Variants in ZNF544 observed in about 807,000 individuals in gnomAD.
ZNF544 encodes the protein zinc finger protein AF020591.
ZNF544 carries 10 observed loss-of-function variants against 13.5 expected under a neutral mutation model. The ratio of observed to expected loss-of-function variants is 0.74; its 90% CI spans 0.46 to 1.25. The LOEUF (loss-of-function observed/expected upper bound fraction) is 1.25, where lower values mean the gene tolerates loss of function less well. Ranked by LOEUF, ZNF544 falls within the 50% of genes most tolerant of loss-of-function variation. The probability of loss-of-function intolerance (pLI) is 0.00; values close to 1 mark genes in which losing one functional copy is unlikely to be tolerated. For missense variants in ZNF544, 896 were observed against 845.6 expected (o/e 1.06, Z -0.74); for synonymous variants, 323 against 300.5 (o/e 1.07, Z -0.77).
intron 5 of ZNF544, among the ~76,000 whole-genome samples, chr19:58,270,501 C>T (rs888014754): frequency 6.6e-6 from 1 of 152,094 alleles, no homozygotes; most frequent in Non-Finnish European, 1.5e-5. Flanking sequence ...AGGGTTTCAC[C>T]ATGTTGGTCA....
chr19:58,263,767 C>G (rs1196639496), downstream of ZNF544: 1 of 187,478 alleles, frequency 5.3e-6, no homozygotes, highest in East Asian at 1.9e-4. Context: ...TTGAGACCAG[C>G]CTGGCAAACA....
At chr19:58,254,750 C>G (rs993940645) in intron 6 of ZNF544, among the ~76,000 whole-genome samples, 1 of 152,120 alleles carries the variant, frequency 6.6e-6, no homozygotes, top group Non-Finnish European at 1.5e-5. Context: ...CCTCACAGGA[C>G]TAAGGAGGTT....
In ZNF544 at chr19:58,261,518, G is replaced by C. The variant is rs757547655; in HGVS notation, c.912G>C (p.Arg304Ser). 1.9e-5 allele frequency: 31 copies of C among 1,614,026 alleles called. No homozygotes were observed. Among genetic ancestry groups the C allele is most frequent in the Non-Finnish European group, 2.5e-5 (30 of 1,180,026 alleles). The part of the protein sequence containing the change: ...GKSQYECDEC[R>S]ETCSESLCLV... Reference sequence around the variant, plus strand: ...GTCAGTATGAGTGTGATGAGTGCAGGGAAACCTGTTCTGAGAGTCTGTGCC... The same window carrying C: ...GTCAGTATGAGTGTGATGAGTGCAGCGAAACCTGTTCTGAGAGTCTGTGCC... The change falls in exon 7 of 7, where the codon AGG becomes AGC. Residue 304 changes from arginine to serine, a missense_variant. By Grantham distance (110) the Arg-to-Ser change is moderately radical. Coordinates refer to ENST00000687789, the MANE Select transcript of ZNF544 (RefSeq NM_014480.4).
At chr19:58,238,987 G>C (rs1048124612) in intron 3 of ZNF544, among the ~76,000 whole-genome samples, 20 of 152,164 alleles carry the variant, frequency 1.3e-4, no homozygotes, top group Admixed American at 1.1e-3. Flanking sequence ...GTGCAGGGGA[G>C]GCAAGAGTGT....
In ZNF544 at chr19:58,263,542, G is replaced by C; in HGVS notation, c.*788G>C. ...TGGCCAAAACATGACTCTCAGAGTGGGGCTTCATGACCATGTGCATCAGAA... is the reference window on the plus strand; with the variant it reads ...TGGCCAAAACATGACTCTCAGAGTGCGGCTTCATGACCATGTGCATCAGAA... On this transcript the variant is annotated 3_prime_UTR_variant, in exon 7 of 7. Transcript: ENST00000687789. 1 of 985,428 alleles carries C rather than the reference G, an allele frequency of 1.0e-6. No individual in the cohort carries two copies. Among genetic ancestry groups the C allele is most frequent in the Non-Finnish European group, 1.2e-6 (1 of 829,940 alleles). The allele number at this position is 985,428 out of a possible 1,614,324, so 61.0% of individuals were successfully genotyped here.
At chr19:58,268,221 C>T (rs1185401825), downstream of ZNF544, among the ~76,000 whole-genome samples, 1 of 152,036 alleles carries the variant, frequency 6.6e-6, no homozygotes, top group African/African-American at 2.4e-5. Flanking sequence ...ATCGCTTGAA[C>T]CTGGGAGGTG....
chr19:58,242,171 C>A, intron 3 of ZNF544: 1 of 924,536 alleles, frequency 1.1e-6, no homozygotes, highest in Non-Finnish European at 1.3e-6. Flanking sequence ...GAAGTCCCAG[C>A]AGCTGCGAGT....
At chr19:58,260,065 G>A (rs563731885) in intron 6 of ZNF544, among the ~76,000 whole-genome samples, 11 of 152,134 alleles carry the variant, frequency 7.2e-5, no homozygotes, top group African/African-American at 2.4e-4. Flanking sequence ...GCTGTTATCC[G>A]GTCTGTTCAA....
At chr19:58,244,687 C>T (rs1006122314) in intron 4 of ZNF544, among the ~76,000 whole-genome samples, 1 of 150,596 alleles carries the variant, frequency 6.6e-6, no homozygotes, top group Non-Finnish European at 1.5e-5. Context: ...GCGATCCTCC[C>T]ACCTCAGCCT....
rs1192675533 is a variant in ZNF544 at position 58,260,938 on chromosome 19, G to A, written c.332G>A (p.Arg111Lys). ...EELSHHVEVY[R>K]SGPEEPPSLV... Reference sequence around the variant, plus strand: ...CTATCCCACCACGTGGAAGTGTACAGGAGTGGACCGGAGGAGCCACCCTCT... The same window carrying A: ...CTATCCCACCACGTGGAAGTGTACAAGAGTGGACCGGAGGAGCCACCCTCT... Residue 111 changes from arginine (R) to lysine (K), a missense_variant, in exon 7 of 7, where the codon AGG (arginine) becomes AAG (lysine). Coordinates refer to ENST00000687789, the MANE Select transcript of ZNF544 (RefSeq NM_014480.4). 3 of 1,614,184 alleles carry A rather than the reference G, an allele frequency of 1.9e-6. No individual in the cohort carries two copies. Among genetic ancestry groups the A allele is most frequent in the South Asian group, 1.1e-5 (1 of 91,078 alleles).
At chr19:58,257,876 C>G (rs889336323) in intron 6 of ZNF544, 1 of 152,216 alleles carries the variant, frequency 6.6e-6, no homozygotes, top group African/African-American at 2.4e-5. Flanking sequence ...CTCACGTTTC[C>G]CCCAGGCTGG....
At position 58,261,984 on chromosome 19, in the gene ZNF544, G is replaced by A. The variant is rs779687083; in HGVS notation, c.1378G>A (p.Gly460Arg). 6.2e-7 allele frequency: 1 copy of A among 1,613,756 alleles called. No individual in the cohort carries two copies. Among genetic ancestry groups the A allele is most frequent in the South Asian group, 1.1e-5 (1 of 91,062 alleles). Reference protein sequence around the residue: ...NLIVHQRIHTGEKPYECTHCG... With the variant: ...NLIVHQRIHTREKPYECTHCG... ...CATTGTACATCAGAGAATTCATACTGGAGAGAAACCGTATGAGTGCACTCA... is the reference window on the plus strand; with the variant it reads ...CATTGTACATCAGAGAATTCATACTAGAGAGAAACCGTATGAGTGCACTCA... Residue 460 changes from glycine (G) to arginine (R), a missense_variant, in exon 7 of 7, where the codon GGA becomes AGA. By Grantham distance (125) the Gly-to-Arg change is moderately radical (BLOSUM62 -2). Transcript: ENST00000687789.
downstream of ZNF544, among the ~76,000 whole-genome samples, chr19:58,264,945 G>A (rs923800017): frequency 1.3e-5 from 2 of 151,988 alleles, no homozygotes; most frequent in African/African-American, 4.8e-5. Context: ...GGGGGGGATG[G>A]TCTCACCTGC....
intron 6 of ZNF544, among the ~76,000 whole-genome samples, chr19:58,276,758 C>T (rs770573834): frequency 3.3e-5 from 5 of 152,192 alleles, no homozygotes; most frequent in Non-Finnish European, 5.9e-5. Flanking sequence ...CAGGCGTGAG[C>T]CACCACACCC....
chr19:58,266,233 A>AAG (rs2049865934), downstream of ZNF544, among the ~76,000 whole-genome samples: 1 of 149,366 alleles, frequency 6.7e-6, no homozygotes, highest in Non-Finnish European at 1.5e-5. Context: ...AAAAAAAAAA[A>AAG]AAGGGCTGTG....
chr19:58,245,418 A>T (rs1392875616), intron 4 of ZNF544, among the ~76,000 whole-genome samples: 1 of 151,072 alleles, frequency 6.6e-6, no homozygotes, highest in African/African-American at 2.4e-5. Flanking sequence ...CTCCTGCTGC[A>T]GCCAGGAAGA....
At chr19:58,269,026 T>G (rs181326681), downstream of ZNF544, among the ~76,000 whole-genome samples, 33 of 152,180 alleles carry the variant, frequency 2.2e-4, 1 homozygote, top group African/African-American at 6.7e-4. Flanking sequence ...AACAAATAAG[T>G]AAGAAAAAGA....
intron 3 of ZNF544, among the ~76,000 whole-genome samples, chr19:58,240,149 C>A (rs2146782988): frequency 6.6e-6 from 1 of 152,282 alleles, no homozygotes; most frequent in East Asian, 1.9e-4. Flanking sequence ...CAGAGATCCC[C>A]CTAATACACC....
At chr19:58,275,080 G>C (rs2051113961) in intron 5 of ZNF544, among the ~76,000 whole-genome samples, 1 of 152,072 alleles carries the variant, frequency 6.6e-6, no homozygotes, top group Admixed American at 6.6e-5. Flanking sequence ...GGGGAGGGTG[G>C]TGCCTGAAAT....
Sources: gnomAD v4.1 joint callset for allele counts (sites outside exome capture counted in the v4.1 genomes callset) on GRCh38, gnomAD v4.1.1 for gene constraint, MANE v1.5 for transcripts, NCBI Gene and HGNC (gene_info 2026-07-23, HGNC 2026-07-21) for gene names.